Variants in CLVS1 observed in about 807,000 individuals in gnomAD.
CLVS1 encodes the protein clavesin-1.
Under a neutral mutation model 33.1 loss-of-function variants are expected in CLVS1, and 10 were observed. The observed-to-expected ratio is 0.30, with a 90% CI of 0.19 to 0.51. The LOEUF (loss-of-function observed/expected upper bound fraction) is 0.51, where lower values mean the gene tolerates loss of function less well. Among genes scored for constraint, CLVS1 ranks in the 20% least tolerant of loss-of-function variants. The pLI, the probability that CLVS1 is intolerant of heterozygous loss-of-function variation, is 0.97. For missense variants in CLVS1, 343 were observed against 433.4 expected (o/e 0.79, Z 1.85); for synonymous variants, 163 against 166.1 (o/e 0.98, Z 0.14).
At chr8:61,325,460 A>G (rs910232962) in intron 2 of CLVS1, among the ~76,000 whole-genome samples, 4 of 152,106 alleles carry the variant, frequency 2.6e-5, no homozygotes, top group Non-Finnish European at 5.9e-5. Context: ...TTTTGTTCCA[A>G]GCTATTAGTG....
chr8:61,480,181 G>C (rs936464558), intron 5 of CLVS1, among the ~76,000 whole-genome samples: 14 of 152,266 alleles, frequency 9.2e-5, no homozygotes, highest in Admixed American at 9.2e-4. Flanking sequence ...GCCCCCAGAG[G>C]TGGAGCCTAC....
chr8:61,120,652 C>T (rs1282076923), intron 1 of CLVS1, among the ~76,000 whole-genome samples: 1 of 135,434 alleles, frequency 7.4e-6, no homozygotes, highest in African/African-American at 2.9e-5. Flanking sequence ...TCAGTCTGCC[C>T]CTGCTGGGGG....
chr8:61,012,074 C>A, the CLVS1 span, among the ~76,000 whole-genome samples: 1 of 152,222 alleles, frequency 6.6e-6, no homozygotes, highest in East Asian at 1.9e-4. Flanking sequence ...ATCCGCTCAC[C>A]CAGGGATGCT....
chr8:61,443,295 T>C (rs1025076673), intron 3 of CLVS1, among the ~76,000 whole-genome samples: 9 of 152,262 alleles, frequency 5.9e-5, no homozygotes, highest in African/African-American at 1.7e-4. Flanking sequence ...GAGGCAAGTC[T>C]AAGAACCTCT....
At chr8:61,407,093 TGTACATTA>T (rs79812307) in intron 3 of CLVS1, among the ~76,000 whole-genome samples, 1,850 of 152,360 alleles carry the variant, frequency 0.012, 10 homozygotes, top group Non-Finnish European at 0.018. Flanking sequence ...CATCTCATGG[TGTACATTA>T]CATCGCACAT....
intron 3 of CLVS1, among the ~76,000 whole-genome samples, chr8:61,402,991 A>G (rs901533188): frequency 6.6e-6 from 1 of 152,206 alleles, no homozygotes; most frequent in Admixed American, 6.5e-5. Flanking sequence ...CTAAAACATG[A>G]TAAGTACTAT....
chr8:60,969,951 G>A, the CLVS1 span, among the ~76,000 whole-genome samples: 3 of 152,054 alleles, frequency 2.0e-5, no homozygotes, highest in African/African-American at 2.4e-5. Context: ...TTTATATAAG[G>A]GGCTTGAGCT....
the CLVS1 span, among the ~76,000 whole-genome samples, chr8:61,033,906 T>C: frequency 6.6e-6 from 1 of 152,230 alleles, no homozygotes; most frequent in Non-Finnish European, 1.5e-5. Flanking sequence ...AATAACACCC[T>C]GTGAATAACC....
chr8:61,178,528 G>A (rs556079394), intron 2 of CLVS1, among the ~76,000 whole-genome samples: 1 of 151,980 alleles, frequency 6.6e-6, no homozygotes, highest in African/African-American at 2.4e-5. Flanking sequence ...GAAGATCCAC[G>A]CCAAGACACA....
intron 3 of CLVS1, among the ~76,000 whole-genome samples, chr8:61,422,866 T>A (rs1243163067): frequency 6.6e-6 from 1 of 152,146 alleles, no homozygotes; most frequent in Non-Finnish European, 1.5e-5. Flanking sequence ...TGTTCCCTGG[T>A]CTACCCTCTT....
At chr8:61,258,775 A>T (rs1809138196) in intron 2 of CLVS1, among the ~76,000 whole-genome samples, 1 of 152,226 alleles carries the variant, frequency 6.6e-6, no homozygotes, top group Non-Finnish European at 1.5e-5. Context: ...TAGAACTTCC[A>T]TCTACTCGTC....
At chr8:61,035,464 C>G in the CLVS1 span, among the ~76,000 whole-genome samples, 2 of 152,192 alleles carry the variant, frequency 1.3e-5, no homozygotes, top group African/African-American at 4.8e-5. Flanking sequence ...CAATTTGAAT[C>G]TGATCCTAAA....
At chr8:61,019,959 G>A in the CLVS1 span, among the ~76,000 whole-genome samples, 7 of 152,310 alleles carry the variant, frequency 4.6e-5, no homozygotes, top group South Asian at 6.2e-4. Context: ...TTCATTTAGA[G>A]TAGAGGCCAC....
At chr8:61,085,959 C>T (rs1449578304) in intron 1 of CLVS1, among the ~76,000 whole-genome samples, 1 of 133,738 alleles carries the variant, frequency 7.5e-6, no homozygotes, top group Non-Finnish European at 1.5e-5. Context: ...TGGCGTGAAC[C>T]GTGGAGGCGG....
intron 2 of CLVS1, among the ~76,000 whole-genome samples, chr8:61,331,314 A>G (rs149030812): frequency 1.8e-3 from 279 of 151,790 alleles, no homozygotes; most frequent in Non-Finnish European, 3.4e-3. Flanking sequence ...TCTGTAATTC[A>G]TATTGCTGTG....
intron 1 of CLVS1, among the ~76,000 whole-genome samples, chr8:61,085,084 A>G (rs569402309): frequency 6.6e-6 from 1 of 152,352 alleles, no homozygotes; most frequent in East Asian, 1.9e-4. Context: ...TTGAGCAGCA[A>G]CTTGAAGAAA....
intron 1 of CLVS1, among the ~76,000 whole-genome samples, chr8:61,130,516 T>G (rs919944333): frequency 2.6e-5 from 4 of 152,198 alleles, no homozygotes; most frequent in African/African-American, 9.7e-5. Flanking sequence ...GCCAGACAGA[T>G]TAGAAGCCAA....
chr8:61,252,809 G>A lies in CLVS1; in HGVS notation c.-151-46868G>A, dbSNP rs374337047. On this transcript the variant is annotated intron_variant, in intron 2 of 2. Transcript: ENST00000522621. Reference sequence around the variant, plus strand: ...CCATCCCTTTATTTTGAGCCTATGTGTGTCTTTAAACGTGAGATGGGTCTC... The same window carrying A: ...CCATCCCTTTATTTTGAGCCTATGTATGTCTTTAAACGTGAGATGGGTCTC... 1.6e-4 allele frequency among the ~76,000 whole-genome samples: 24 copies of A among 152,258 alleles called. No homozygotes were observed. In the East Asian group the frequency reaches 4.2e-3, roughly 27 times the overall value.
rs1173831879 is a variant in CLVS1, at chr8:61,277,983, C to T, written c.-151-21694C>T. 3.3e-5 allele frequency among the ~76,000 whole-genome samples: 5 copies of T among 152,162 alleles called. No homozygotes were observed. In the South Asian group the frequency reaches 1.0e-3, roughly 32 times the overall value. ...GTAAAGCTTGTTAATGTAGAGTCCT[C>T]TGGTATCATGTCCAGTCCTAGAAGG... On this transcript the variant is annotated intron_variant, in intron 2 of 2. Transcript: ENST00000522621.
Sources: gnomAD v4.1 joint callset for allele counts (sites outside exome capture counted in the v4.1 genomes callset) on GRCh38, gnomAD v4.1.1 for gene constraint, MANE v1.5 for transcripts, NCBI Gene and HGNC (gene_info 2026-07-23, HGNC 2026-07-21) for gene names.